The following NCKAP1 variants were observed in gnomAD, a reference collection of about 807,000 sequenced individuals.
The protein encoded by NCKAP1 is NCK associated protein 1, also known as nck-associated protein 1.
Under a neutral mutation model 151.2 loss-of-function variants are expected in NCKAP1, and 21 were observed. The ratio of observed to expected loss-of-function variants is 0.14; its 90% confidence interval spans 0.10 to 0.20. The LOEUF is 0.20. NCKAP1 is among the 10% of genes least tolerant of loss of function. The pLI is 1.00. For synonymous variants in NCKAP1, 484 were observed against 451.8 expected, an observed-to-expected ratio of 1.07 and a Z score of -0.90; for missense variants, 933 against 1,352.1, an observed-to-expected ratio of 0.69 and a Z score of 4.86.
At chr2:182,999,576 T>C (rs1698339590) in intron 6 of NCKAP1, among the ~76,000 whole-genome samples, 2 of 152,202 alleles carry the variant, frequency 1.3e-5, no homozygotes, top group Non-Finnish European at 1.5e-5. Flanking sequence ...ATTCAAACCC[T>C]GTGGAAAGCA....
chr2:182,979,588 G>A (rs1697897608), intron 13 of NCKAP1, among the ~76,000 whole-genome samples: 1 of 151,976 alleles, frequency 6.6e-6, no homozygotes. Flanking sequence ...TAAAAATCAT[G>A]AAAATGGTAA....
In NCKAP1 at chr2:183,038,143, G is replaced by C; in HGVS notation, c.-44C>G. 1 of 1,427,714 alleles carries C rather than the reference G, an allele frequency of 7.0e-7. No homozygotes were observed. Among genetic ancestry groups the C allele is most frequent in the Non-Finnish European group, 9.3e-7 (1 of 1,073,084 alleles). The allele number at this position is 1,427,714 out of a possible 1,614,324, so 88.4% of individuals were successfully genotyped here. On this transcript the variant is annotated 5_prime_UTR_variant, in exon 1 of 31. Transcript: ENST00000361354. ...GCCGCCGCCGGCCGCCTCGCGCCCA[G>C]TCACGGGCCCGCGGCCTTCGCAGCA...
At chr2:183,016,034 T>C (rs949941515) in intron 2 of NCKAP1, among the ~76,000 whole-genome samples, 3 of 152,142 alleles carry the variant, frequency 2.0e-5, no homozygotes, top group Admixed American at 6.6e-5. Context: ...AGAGACACTG[T>C]CTAAAGTTGG....
chr2:183,024,211 A>G (rs912186358), intron 1 of NCKAP1, among the ~76,000 whole-genome samples: 1 of 152,166 alleles, frequency 6.6e-6, no homozygotes, highest in Non-Finnish European at 1.5e-5. Flanking sequence ...TCTTGGTTTG[A>G]GGTAGGATTG....
intron 17 of NCKAP1, among the ~76,000 whole-genome samples, chr2:182,963,997 C>G (rs79459086): frequency 1.3e-5 from 2 of 152,076 alleles, no homozygotes. Flanking sequence ...TTCTTTTCTA[C>G]AAGTTCTGCA....
chr2:182,954,812 A>T (rs186646124), intron 20 of NCKAP1, among the ~76,000 whole-genome samples: 5 of 152,178 alleles, frequency 3.3e-5, no homozygotes, highest in East Asian at 3.9e-4. Flanking sequence ...TAAATTAAAT[A>T]AAATAAAAAA....
At chr2:182,997,985 C>G (rs1698302209) in intron 6 of NCKAP1, among the ~76,000 whole-genome samples, 1 of 152,180 alleles carries the variant, frequency 6.6e-6, no homozygotes. Context: ...TCACCATGAT[C>G]AAGTGGGCTT....
chr2:182,943,558 C>A (rs1217305730), intron 23 of NCKAP1, among the ~76,000 whole-genome samples: 1 of 152,040 alleles, frequency 6.6e-6, no homozygotes, highest in African/African-American at 2.4e-5. Flanking sequence ...CTGATAGTGA[C>A]CATGCACTTT....
chr2:182,984,343 A>C (rs1559093490), intron 10 of NCKAP1, among the ~76,000 whole-genome samples: 1 of 151,914 alleles, frequency 6.6e-6, no homozygotes, highest in Non-Finnish European at 1.5e-5. Context: ...GAAGGAAAAA[A>C]AATCATAAAA....
At chr2:182,933,650 G>T (rs1696811786) in intron 26 of NCKAP1, among the ~76,000 whole-genome samples, 1 of 151,944 alleles carries the variant, frequency 6.6e-6, no homozygotes, top group African/African-American at 2.4e-5. Context: ...ACCTTGCTCA[G>T]GTGATCTGCC....
At chr2:182,991,474 G>A (rs768967458) in intron 8 of NCKAP1, among the ~76,000 whole-genome samples, 1 of 152,078 alleles carries the variant, frequency 6.6e-6, no homozygotes, top group African/African-American at 2.4e-5. Context: ...CAGGAGAAAC[G>A]CTTGAACTTG....
At chr2:182,953,739 A>C (rs1487796798) in intron 20 of NCKAP1, among the ~76,000 whole-genome samples, 1 of 152,154 alleles carries the variant, frequency 6.6e-6, no homozygotes, top group Non-Finnish European at 1.5e-5. Flanking sequence ...CAGAGGTTGC[A>C]GTGAGCTGAG....
chr2:183,008,265 A>C (rs1433591400), intron 2 of NCKAP1, among the ~76,000 whole-genome samples: 3 of 152,204 alleles, frequency 2.0e-5, no homozygotes, highest in African/African-American at 4.8e-5. Context: ...ACCCTAAAAA[A>C]ACTGATTCCA....
chr2:182,926,399 G>C (rs1307613115), intron 30 of NCKAP1, among the ~76,000 whole-genome samples: 1 of 151,918 alleles, frequency 6.6e-6, no homozygotes, highest in Admixed American at 6.6e-5. Flanking sequence ...GTAGAAACAA[G>C]CAAGAGCTGG....
chr2:182,939,838 GAAAAGATTTAATAAATTCTA>G (rs1696959468), intron 24 of NCKAP1, among the ~76,000 whole-genome samples: 2 of 152,182 alleles, frequency 1.3e-5, no homozygotes, highest in African/African-American at 4.8e-5. Flanking sequence ...CCAAATTATA[GAAAAGATTTAATAAATTCTA>G]TTTAAAGACA....
At chr2:182,996,689 C>A (rs925337089) in intron 6 of NCKAP1, among the ~76,000 whole-genome samples, 27 of 152,200 alleles carry the variant, frequency 1.8e-4, no homozygotes, top group African/African-American at 6.5e-4. Context: ...ATCTCCTGAC[C>A]TCCTGATCCG....
chr2:182,970,424 A>G (rs1028579091), intron 15 of NCKAP1, among the ~76,000 whole-genome samples: 2 of 151,962 alleles, frequency 1.3e-5, no homozygotes, highest in African/African-American at 4.8e-5. Flanking sequence ...CCAGTTAGAT[A>G]AATACAAGAT....
chr2:182,949,329 C>T (rs1422967415), intron 23 of NCKAP1, among the ~76,000 whole-genome samples: 1 of 152,170 alleles, frequency 6.6e-6, no homozygotes, highest in African/African-American at 2.4e-5. Context: ...TGGTGCTAGA[C>T]AGACTGAGTT....
chr2:182,941,673 G>A (rs955905347), intron 24 of NCKAP1, among the ~76,000 whole-genome samples: 6 of 152,070 alleles, frequency 3.9e-5, no homozygotes, highest in Admixed American at 6.5e-5. Context: ...CCAAAATACC[G>A]TTTGCTTAAA....
Sources: gnomAD v4.1 joint callset for allele counts (sites outside exome capture counted in the v4.1 genomes callset) on GRCh38, gnomAD v4.1.1 for gene constraint, MANE v1.5 for transcripts, NCBI Gene and HGNC (gene_info 2026-07-23, HGNC 2026-07-21) for gene names.